The following CD44 variants were observed in gnomAD, a reference collection of about 807,000 sequenced individuals.
CD44 encodes CD44 antigen.
A neutral mutation model predicts 88.8 loss-of-function variants in CD44; 49 were observed. That is an observed-to-expected ratio of 0.55 (90% confidence interval 0.44 to 0.70). CD44 has a LOEUF of 0.70. CD44 is among the 30% of genes least tolerant of loss of function. The pLI, the probability that CD44 is intolerant of heterozygous loss-of-function variation, is 0.00. For synonymous variants in CD44, 325 were observed against 312.3 expected, an observed-to-expected ratio of 1.04 and a Z score of -0.43; for missense variants, 883 against 913.8, an observed-to-expected ratio of 0.97 and a Z score of 0.43.
intron 15 of CD44, among the ~76,000 whole-genome samples, chr11:35,215,162 C>T (rs1948725972): frequency 6.6e-6 from 1 of 152,208 alleles, no homozygotes. Context: ...ACTGACACTG[C>T]TGGGACAGGG....
chr11:35,180,622 C>T (rs1278933389), intron 3 of CD44, among the ~76,000 whole-genome samples: 1 of 152,226 alleles, frequency 6.6e-6, no homozygotes, highest in East Asian at 1.9e-4. Flanking sequence ...CCATTCAGGA[C>T]TGTCCAATCT....
chr11:35,141,625 T>C (rs1392646539), intron 1 of CD44, among the ~76,000 whole-genome samples: 1 of 152,172 alleles, frequency 6.6e-6, no homozygotes, highest in Non-Finnish European at 1.5e-5. Context: ...TTCCAAATAT[T>C]TGGCACTGTC....
In CD44 at chr11:35,219,177, T is replaced by C. The variant is rs61882770; in HGVS notation, c.1874-139T>C. 6,503 of 664,716 alleles carry C rather than the reference T, an allele frequency of 9.8e-3. 42 individuals carry two copies. Among genetic ancestry groups the C allele is most frequent in the Admixed American group, 0.014 (588 of 41,874 alleles). The allele number at this position is 664,716 out of a possible 1,614,324, so 41.2% of individuals were successfully genotyped here. A position where few individuals can be genotyped will look rare whatever the true frequency, so the allele number is the denominator to read the frequency against. On this transcript the variant is annotated intron_variant, in intron 15 of 17. Transcript: ENST00000428726. Reference sequence around the variant, plus strand: ...GGGGGAAATCTTTTGTGTAATGCTTTATAAACATCTGCAGCTTGAATCCAT... The same window carrying C: ...GGGGGAAATCTTTTGTGTAATGCTTCATAAACATCTGCAGCTTGAATCCAT...
intron 7 of CD44, chr11:35,200,755 C>G: frequency 3.5e-6 from 1 of 282,762 alleles, no homozygotes; most frequent in Non-Finnish European, 6.9e-6. Context: ...AAAATGGCGC[C>G]TTTGGTTATC....
At chr11:35,187,031 G>C in intron 4 of CD44, 131 bp downstream of exon 4, 1 of 619,540 alleles carries the variant, frequency 1.6e-6, no homozygotes, top group Non-Finnish European at 3.0e-6. Flanking sequence ...CCAGCACTTT[G>C]GGAGGCTGAG....
intron 17 of CD44, chr11:35,222,514 G>T: frequency 9.2e-7 from 1 of 1,085,012 alleles, no homozygotes; most frequent in Non-Finnish European, 1.1e-6. Context: ...CTGACACATG[G>T]GCTGTTTTTA....
intron 7 of CD44, among the ~76,000 whole-genome samples, chr11:35,199,118 A>G (rs1947053081): frequency 6.6e-6 from 1 of 152,218 alleles, no homozygotes; most frequent in African/African-American, 2.4e-5. Context: ...TGAGCTGGAC[A>G]CCAATATAGC....
At chr11:35,188,602 G>A (rs918408827) in intron 4 of CD44, among the ~76,000 whole-genome samples, 8 of 152,078 alleles carry the variant, frequency 5.3e-5, no homozygotes, top group African/African-American at 1.7e-4. Flanking sequence ...TTACCAGGGT[G>A]ACTGAGACCT....
intron 1 of CD44, chr11:35,139,587 A>T: frequency 1.3e-6 from 1 of 762,504 alleles, no homozygotes; most frequent in Non-Finnish European, 2.4e-6. Context: ...AAAGAGAAAG[A>T]GAAGAAAGTT....
intron 17 of CD44, chr11:35,222,674 CA>C (rs1300868134): frequency 1.1e-6 from 1 of 890,930 alleles, no homozygotes; most frequent in Non-Finnish European, 1.3e-6. Context: ...TGACCTTTAA[CA>C]GGGGTATAAA....
At chr11:35,172,110 G>C (rs1460983262) in intron 1 of CD44, among the ~76,000 whole-genome samples, 1 of 152,120 alleles carries the variant, frequency 6.6e-6, no homozygotes, top group African/African-American at 2.4e-5. Context: ...AAAATGCCTT[G>C]AGCATCTCAG....
At chr11:35,221,625 A>C in intron 16 of CD44, 29 bp from the exon 17 acceptor site, 5 of 1,583,850 alleles carry the variant, frequency 3.2e-6, no homozygotes, top group Non-Finnish European at 4.3e-6. Flanking sequence ...TCTGAAGCTC[A>C]CGCATGTCAT....
At chr11:35,190,924 C>T (rs563173992) in intron 5 of CD44, among the ~76,000 whole-genome samples, 1 of 152,156 alleles carries the variant, frequency 6.6e-6, no homozygotes, top group African/African-American at 2.4e-5. Context: ...GTTTGCCCCT[C>T]GCGCTTCAGC....
intron 17 of CD44, among the ~76,000 whole-genome samples, chr11:35,224,178 T>C (rs1394116616): frequency 6.6e-6 from 1 of 152,182 alleles, no homozygotes; most frequent in Non-Finnish European, 1.5e-5. Context: ...GGATGGGTCA[T>C]GGGCTTGCAT....
At chr11:35,161,840 G>A (rs947737081) in intron 1 of CD44, among the ~76,000 whole-genome samples, 2 of 152,162 alleles carry the variant, frequency 1.3e-5, no homozygotes, top group African/African-American at 4.8e-5. Flanking sequence ...TGGGGGGGAA[G>A]AGGAGTGTAT....
chr11:35,145,352 G>T (rs1858911390), intron 1 of CD44, among the ~76,000 whole-genome samples: 1 of 152,150 alleles, frequency 6.6e-6, no homozygotes. Flanking sequence ...ATGGGCTAAG[G>T]TGCAAATACA....
At chr11:35,215,074 C>T (rs1948715240) in intron 15 of CD44, 160 bp downstream of exon 15, 1 of 424,218 alleles carries the variant, frequency 2.4e-6, no homozygotes, top group Admixed American at 4.4e-5. Context: ...AATGCTGGAC[C>T]CCACCCTTAA....
At chr11:35,220,125 A>G (rs1164776767) in intron 16 of CD44, among the ~76,000 whole-genome samples, 1 of 152,196 alleles carries the variant, frequency 6.6e-6, no homozygotes, top group African/African-American at 2.4e-5. Context: ...CTCTTGGGGA[A>G]AGAGAAGAAT....
chr11:35,203,627 A>G (rs1431197857), intron 9 of CD44, among the ~76,000 whole-genome samples: 1 of 152,148 alleles, frequency 6.6e-6, no homozygotes, highest in Non-Finnish European at 1.5e-5. Context: ...TTTCTAAGAT[A>G]AGGAAATACA....
Sources: gnomAD v4.1 joint callset for allele counts (sites outside exome capture counted in the v4.1 genomes callset) on GRCh38, gnomAD v4.1.1 for gene constraint, MANE v1.5 for transcripts, NCBI Gene and HGNC (gene_info 2026-07-23, HGNC 2026-07-21) for gene names.